The following HMG20A variants were observed in gnomAD, a reference collection of about 807,000 sequenced individuals.
The protein encoded by HMG20A is high mobility group 20A.
A neutral mutation model predicts 43.9 loss-of-function variants in HMG20A; 17 were observed. The observed-to-expected ratio is 0.39, with a 90% CI of 0.27 to 0.58. HMG20A has a LOEUF of 0.58. HMG20A is among the 20% of genes least tolerant of loss of function. The pLI, the probability that HMG20A is intolerant of heterozygous loss-of-function variation, is 0.59. For missense variants in HMG20A, 341 were observed against 438.2 expected, an observed-to-expected ratio of 0.78 and a Z score of 1.98; for synonymous variants, 132 against 147.5, an observed-to-expected ratio of 0.89 and a Z score of 0.76.
chr15:77,448,184 C>T (rs1406285378), intron 1 of HMG20A, among the ~76,000 whole-genome samples: 1 of 152,178 alleles, frequency 6.6e-6, no homozygotes. Flanking sequence ...CTTACTTTCC[C>T]TTTTCCCTCT....
At chr15:77,465,580 A>T (rs2072749866) in intron 3 of HMG20A, among the ~76,000 whole-genome samples, 1 of 152,072 alleles carries the variant, frequency 6.6e-6, no homozygotes. Context: ...TTTTCAGTGG[A>T]GATGGAGTTT....
chr15:77,504,774 G>A, the HMG20A span, among the ~76,000 whole-genome samples: 1 of 152,108 alleles, frequency 6.6e-6, no homozygotes, highest in Non-Finnish European at 1.5e-5. Flanking sequence ...TTACAAATGG[G>A]GGGATGCAAA....
In HMG20A at chr15:77,469,244, A is replaced by G. The variant is rs562768398; in HGVS notation, c.451-1666A>G. ...ATCTATGGGGAGACGATTTAAGAAC[A>G]TACAAACAGCCTGTTTTACATCAAC... On this transcript the variant is annotated intron_variant, in intron 4 of 9. Coordinates refer to ENST00000336216, the MANE Select transcript of HMG20A (RefSeq NM_001304504.2). Among the ~76,000 whole-genome samples, 593 of 151,198 alleles carry G rather than the reference A, an allele frequency of 3.9e-3. 25 individuals carry two copies. Among genetic ancestry groups the G allele is most frequent in the Non-Finnish European group, 5.8e-3 (390 of 67,600 alleles).
intron 9 of HMG20A, among the ~76,000 whole-genome samples, chr15:77,481,279 G>A (rs1462207806): frequency 6.6e-6 from 1 of 152,148 alleles, no homozygotes; most frequent in Non-Finnish European, 1.5e-5. Flanking sequence ...TCTTAGAGAT[G>A]GCTGGACTCC....
At chr15:77,510,554 C>T in the HMG20A span, among the ~76,000 whole-genome samples, 91 of 152,314 alleles carry the variant, frequency 6.0e-4, no homozygotes, top group African/African-American at 2.2e-3. Flanking sequence ...CCAGCCTGAC[C>T]TCCTGGGGTA....
chr15:77,514,429 G>A, the HMG20A span, among the ~76,000 whole-genome samples: 1 of 152,250 alleles, frequency 6.6e-6, no homozygotes, highest in Admixed American at 6.5e-5. Flanking sequence ...AGATCTCGGA[G>A]ATACTGAAAT....
downstream of HMG20A, among the ~76,000 whole-genome samples, chr15:77,490,148 C>T (rs528604400): frequency 5.3e-5 from 8 of 152,058 alleles, no homozygotes; most frequent in Non-Finnish European, 8.8e-5. Context: ...ATTAGCTGGA[C>T]GTGGTGGCGC....
intron 1 of HMG20A, among the ~76,000 whole-genome samples, chr15:77,444,222 C>A (rs1265339382): frequency 6.6e-6 from 1 of 152,140 alleles, no homozygotes; most frequent in Non-Finnish European, 1.5e-5. Flanking sequence ...AGCAGATGCT[C>A]ATATAACGCC....
chr15:77,467,210 G>C lies in HMG20A; in HGVS notation c.353G>C (p.Arg118Pro). The change falls in exon 4 of 10, where the codon CGA becomes CCA. Residue 118 changes from arginine to proline, a missense_variant. By Grantham distance (103) the Arg-to-Pro change is moderately radical (BLOSUM62 -2). This residue lies in a region of HMG20A where 220 missense variants were observed against 263.6 expected (regional missense o/e 0.83). Transcript: ENST00000336216. ...TGYVRFMNER[R>P]EQLRAKRPEV... ...TATGTTCGGTTCATGAATGAGCGTC[G>C]AGAACAACTTCGAGCAAAGAGACCA... The C allele has an allele frequency of 6.2e-7, 1 of 1,614,060 alleles. No individual in the cohort carries two copies. The highest frequency in any genetic ancestry group is 8.5e-7 in the Non-Finnish European group (1 of 1,179,982).
rs1486468801 is a variant in HMG20A, at chr15:77,483,970, G to T, written c.*1007G>T. Reference sequence around the variant, plus strand: ...TCACTTGAGCTCACAAAAAAAGCAAGGAAGAATTCTCATGTCCTTTGTCTT... The same window carrying T: ...TCACTTGAGCTCACAAAAAAAGCAATGAAGAATTCTCATGTCCTTTGTCTT... On this transcript the variant is annotated 3_prime_UTR_variant, in exon 10 of 10. Transcript: ENST00000336216. 1.3e-5 allele frequency: 2 copies of T among 152,180 alleles called. No individual in the cohort carries two copies. The highest frequency in any genetic ancestry group is 4.8e-5 in the African/African-American group (2 of 41,442). 9.4% of individuals were successfully genotyped at this position (152,180 alleles called of 1,614,324 possible).
At chr15:77,480,759 C>A in intron 9 of HMG20A, among the ~76,000 whole-genome samples, 1 of 144,598 alleles carries the variant, frequency 6.9e-6, no homozygotes, top group Admixed American at 6.9e-5. Flanking sequence ...ACCCATGACA[C>A]TTTTTGGTAC....
At chr15:77,425,360 A>T (rs868202326) in intron 1 of HMG20A, among the ~76,000 whole-genome samples, 3 of 152,332 alleles carry the variant, frequency 2.0e-5, no homozygotes, top group African/African-American at 2.4e-5. Context: ...TGTGGACGTG[A>T]GCTGGCTCTT....
chr15:77,421,104 A>C, intron 1 of HMG20A, 100 bp downstream of exon 1: 1 of 231,308 alleles, frequency 4.3e-6, no homozygotes, highest in Non-Finnish European at 8.3e-6. Flanking sequence ...GGTTTGTCTC[A>C]GTTGGAGGCC....
chr15:77,464,490 T>G (rs1226523135), intron 3 of HMG20A, 103 bp downstream of exon 3: 1 of 1,204,600 alleles, frequency 8.3e-7, no homozygotes, highest in Non-Finnish European at 1.2e-6. Context: ...CTTCTTATAT[T>G]CTTAGGCTGA....
intron 1 of HMG20A, among the ~76,000 whole-genome samples, chr15:77,447,076 C>G (rs1332046928): frequency 6.6e-6 from 1 of 152,170 alleles, no homozygotes; most frequent in East Asian, 1.9e-4. Flanking sequence ...GGGAAGTACT[C>G]TACACTAAGG....
At position 77,462,748 on chromosome 15, in the gene HMG20A, T is replaced by TTTTTTC. The variant is rs1223693736; in HGVS notation, c.90-1468_90-1463dup. Among the ~76,000 whole-genome samples, 29 of 151,190 alleles carry TTTTTTC rather than the reference T, an allele frequency of 1.9e-4. 1 individual carries two copies. The South Asian group carries it at 4.2e-3, about 22-fold the overall frequency. On this transcript the variant is annotated intron_variant, in intron 2 of 9. Transcript: ENST00000336216. ...CATTAAGTTCTCTCCATTCTACCTC[T>TTTTTTC]TTTTTCTTTTTCTTTTTCTTTTTCT...
At chr15:77,443,379 G>T (rs12899611) in intron 1 of HMG20A, among the ~76,000 whole-genome samples, 46,263 of 130,878 alleles carry the variant, frequency 0.35, 8,893 homozygotes, top group Middle Eastern at 0.47. Flanking sequence ...TGATGATGAT[G>T]ATTATTATTA....
Position 77,463,776 on chromosome 15 carries a change from G to A in HMG20A, c.90-464G>A, listed in dbSNP as rs1224606798. On this transcript the variant is annotated intron_variant, in intron 2 of 9. Transcript: ENST00000336216. Reference sequence around the variant, plus strand: ...TATAATCCAAGAAGAAATAGCCAATGAAATGTACCGTTAAGAGATTTTTCT... The same window carrying A: ...TATAATCCAAGAAGAAATAGCCAATAAAATGTACCGTTAAGAGATTTTTCT... Among the ~76,000 whole-genome samples the A allele has an allele frequency of 2.0e-5, 3 of 152,220 alleles. No homozygotes were observed. In the East Asian group the frequency reaches 5.8e-4, roughly 29 times the overall value.
intron 1 of HMG20A, among the ~76,000 whole-genome samples, chr15:77,421,807 C>T (rs1017480341): frequency 6.6e-6 from 1 of 152,188 alleles, no homozygotes; most frequent in East Asian, 1.9e-4. Context: ...CTTCTTCAGC[C>T]TTAAAAATTC....
Sources: allele counts gnomAD v4.1 joint callset (sites outside exome capture counted in the v4.1 genomes callset), GRCh38; gene constraint gnomAD v4.1.1; regional missense constraint gnomAD v4.1.1; transcripts MANE v1.5; gene names NCBI Gene and HGNC (gene_info 2026-07-23, HGNC 2026-07-21).